Variants in ARHGAP31 observed in about 807,000 individuals in gnomAD.
The protein encoded by ARHGAP31 is rho GTPase-activating protein 31.
Under a neutral mutation model 113.9 loss-of-function variants are expected in ARHGAP31, and 34 were observed. The observed-to-expected ratio is 0.30, with a 90% CI of 0.23 to 0.40. ARHGAP31 has a LOEUF of 0.40. ARHGAP31 is among the 10% of genes least tolerant of loss of function. The pLI is 1.00. For missense variants in ARHGAP31, 1,548 were observed against 1,767.1 expected (o/e 0.88, Z 2.22); for synonymous variants, 650 against 684.8 (o/e 0.95, Z 0.79).
At chr3:119,386,782 C>T (rs1451135412) in intron 6 of ARHGAP31, among the ~76,000 whole-genome samples, 2 of 152,200 alleles carry the variant, frequency 1.3e-5, no homozygotes, top group Admixed American at 6.5e-5. Flanking sequence ...GGTAAGGTCA[C>T]GTGGGTCACG....
chr3:119,341,179 TAGTC>T (rs1444573246), intron 1 of ARHGAP31, among the ~76,000 whole-genome samples: 1 of 151,768 alleles, frequency 6.6e-6, no homozygotes, highest in East Asian at 1.9e-4. Context: ...GGACAGCAGA[TAGTC>T]AGGGAGGTAG....
At chr3:119,335,989 A>G (rs1255731907) in intron 1 of ARHGAP31, among the ~76,000 whole-genome samples, 1 of 152,192 alleles carries the variant, frequency 6.6e-6, no homozygotes, top group Non-Finnish European at 1.5e-5. Flanking sequence ...CCTAGACATC[A>G]TGGTGAAATC....
At chr3:119,295,440 G>T (rs1223287936) in intron 1 of ARHGAP31, among the ~76,000 whole-genome samples, 3 of 136,948 alleles carry the variant, frequency 2.2e-5, no homozygotes, top group Non-Finnish European at 4.6e-5. Context: ...CTCCAATTTC[G>T]TCTGCTCACA....
intron 8 of ARHGAP31, among the ~76,000 whole-genome samples, chr3:119,393,885 C>T (rs1315628518): frequency 1.3e-5 from 2 of 152,182 alleles, no homozygotes; most frequent in African/African-American, 4.8e-5. Flanking sequence ...ATTTGCAGAT[C>T]TTATTCACAT....
chr3:119,413,292 G>A (rs1253796189), intron 11 of ARHGAP31, among the ~76,000 whole-genome samples: 1 of 149,872 alleles, frequency 6.7e-6, no homozygotes, highest in Non-Finnish European at 1.5e-5. Flanking sequence ...ACTCCAGCCT[G>A]GATGATAACG....
chr3:119,399,564 AC>A (rs2080582194), intron 9 of ARHGAP31, among the ~76,000 whole-genome samples: 1 of 152,236 alleles, frequency 6.6e-6, no homozygotes, highest in African/African-American at 2.4e-5. Flanking sequence ...AACACCTGAA[AC>A]CTAAGGCAGA....
chr3:119,313,288 G>T (rs949090958), intron 1 of ARHGAP31, among the ~76,000 whole-genome samples: 6 of 152,064 alleles, frequency 3.9e-5, no homozygotes, highest in African/African-American at 1.4e-4. Context: ...GATATTTTGT[G>T]TATATACAAG....
At chr3:119,363,450 A>G (rs886126578) in intron 1 of ARHGAP31, among the ~76,000 whole-genome samples, 2 of 152,120 alleles carry the variant, frequency 1.3e-5, no homozygotes, top group South Asian at 2.1e-4. Flanking sequence ...TTCCACCTCT[A>G]TGGTCTCTGG....
intron 11 of ARHGAP31, among the ~76,000 whole-genome samples, chr3:119,412,523 AG>A (rs1206811429): frequency 6.6e-6 from 1 of 151,866 alleles, no homozygotes; most frequent in African/African-American, 2.4e-5. Context: ...AGAAGGACAA[AG>A]GGAAGCTGGA....
chr3:119,388,306 TTTTA>T (rs577734352), intron 6 of ARHGAP31, among the ~76,000 whole-genome samples: 11,790 of 43,900 alleles, frequency 0.27, 747 homozygotes, highest in Non-Finnish European at 0.34. Flanking sequence ...TATGTATAAT[TTTTA>T]TATATATATA....
At chr3:119,372,180 C>T (rs910283775) in intron 3 of ARHGAP31, among the ~76,000 whole-genome samples, 1 of 152,102 alleles carries the variant, frequency 6.6e-6, no homozygotes. Context: ...TGAGGAATCA[C>T]CACACTGCTT....
rs1212466966 is a variant in ARHGAP31, at chr3:119,333,191, T to C, written c.101-32125T>C. 2.0e-5 allele frequency among the ~76,000 whole-genome samples: 3 copies of C among 152,204 alleles called. No individual in the cohort carries two copies. In the East Asian group the frequency reaches 5.8e-4, roughly 29 times the overall value. The stretch of plus-strand genomic sequence containing the variant: ...CCAGCATTCTGGGTTGAACCAGGCA[T>C]GTTTGTTGGAAAGAAATATTGCTCT... On this transcript the variant is annotated intron_variant, in intron 1 of 11. Transcript: ENST00000264245.
rs1261021050 is a variant in ARHGAP31, at chr3:119,415,943, G to C, written c.4014G>C (p.Arg1338Ser). 2 of 1,614,140 alleles carry C rather than the reference G, an allele frequency of 1.2e-6. No individual in the cohort carries two copies. Among genetic ancestry groups the C allele is most frequent in the Admixed American group, 3.3e-5 (2 of 60,020 alleles). The change falls in exon 12 of 12, where the codon AGG becomes AGC. Residue 1338 changes from arginine (R) to serine (S), a missense_variant. By Grantham distance (110) the Arg-to-Ser change is moderately radical. Transcript: ENST00000264245. ...RPSGGSKPFH[R>S]SRPGRPQSLI... ...CTGGGGGTTCTAAGCCTTTCCACAG[G>C]TCAAGGCCAGGAAGACCTCAGAGCC...
At chr3:119,298,843 C>A in intron 1 of ARHGAP31, 1 of 208,270 alleles carries the variant, frequency 4.8e-6, no homozygotes, top group Non-Finnish European at 1.0e-5. Context: ...AGCGTCTTCA[C>A]CGCCTATATA....
intron 1 of ARHGAP31, among the ~76,000 whole-genome samples, chr3:119,360,038 C>T (rs561217870): frequency 3.3e-5 from 5 of 152,146 alleles, no homozygotes; most frequent in African/African-American, 1.2e-4. Flanking sequence ...ATATCCATCA[C>T]GCCCAAATGT....
chr3:119,374,635 T>C (rs969630641), intron 3 of ARHGAP31, among the ~76,000 whole-genome samples: 6 of 152,144 alleles, frequency 3.9e-5, no homozygotes, highest in Admixed American at 2.6e-4. Context: ...CAAGATCTGA[T>C]GGTTCAAAAG....
chr3:119,309,250 A>C (rs1170695716), intron 1 of ARHGAP31, among the ~76,000 whole-genome samples: 6 of 152,234 alleles, frequency 3.9e-5, no homozygotes, highest in Non-Finnish European at 7.3e-5. Context: ...TTTGTGGAGA[A>C]CATGTCATTC....
chr3:119,340,679 G>A (rs907973541), intron 1 of ARHGAP31, among the ~76,000 whole-genome samples: 1 of 152,092 alleles, frequency 6.6e-6, no homozygotes, highest in African/African-American at 2.4e-5. Context: ...TGGATATGAG[G>A]TACCCAGCCT....
At chr3:119,345,397 G>A (rs1332569370) in intron 1 of ARHGAP31, among the ~76,000 whole-genome samples, 1 of 152,166 alleles carries the variant, frequency 6.6e-6, no homozygotes, top group Non-Finnish European at 1.5e-5. Context: ...AGCACACTGG[G>A]GTTATGGCAT....
Sources: gnomAD v4.1 joint callset for allele counts (sites outside exome capture counted in the v4.1 genomes callset) on GRCh38, gnomAD v4.1.1 for gene constraint, MANE v1.5 for transcripts, NCBI Gene and HGNC (gene_info 2026-07-23, HGNC 2026-07-21) for gene names.